Variants in CRYBG3 observed in about 807,000 individuals in gnomAD.
CRYBG3 encodes the protein very large A-kinase anchor protein.
CRYBG3 carries 127 observed loss-of-function variants against 244.2 expected under a neutral mutation model. The ratio of observed to expected loss-of-function variants is 0.52; its 90% CI spans 0.45 to 0.60. CRYBG3 has a LOEUF of 0.60. Ranked by LOEUF, CRYBG3 falls within the 20% of genes least tolerant of loss-of-function variation. CRYBG3 has a pLI of 0.00. For synonymous variants in CRYBG3, 1,132 were observed against 1,195.8 expected, an observed-to-expected ratio of 0.95 and a Z score of 1.10; for missense variants, 3,325 against 3,442.5, an observed-to-expected ratio of 0.97 and a Z score of 0.85.
chr3:97,872,717 A>G lies in CRYBG3; in HGVS notation c.1523A>G (p.Asn508Ser), dbSNP rs2108213830. The G allele has an allele frequency of 6.5e-7, 1 of 1,535,994 alleles. No homozygotes were observed. The highest frequency in any genetic ancestry group is 8.7e-7 in the Non-Finnish European group (1 of 1,146,814). Residue 508 changes from asparagine (N) to serine (S), a missense_variant, in exon 4 of 22, where the codon AAT becomes AGT. Coordinates refer to ENST00000389622, the MANE Select transcript of CRYBG3 (RefSeq NM_153605.4). ...RHAVTDTEFV[N>S]EGKRLSAQDS... ...GCTGTGACAGACACAGAATTTGTAAATGAAGGAAAGAGATTGTCTGCCCAA... is the reference window on the plus strand; with the variant it reads ...GCTGTGACAGACACAGAATTTGTAAGTGAAGGAAAGAGATTGTCTGCCCAA...
Position 97,872,687 on chromosome 3 carries a change from G to A in CRYBG3, c.1493G>A (p.Arg498Lys). The change falls in exon 4 of 22, where the codon AGA (arginine) becomes AAA (lysine). Residue 498 changes from arginine to lysine, a missense_variant. Physicochemically the swap from Arg to Lys is conservative, Grantham distance 26. Around this residue, in one of 4 missense-constraint regions of CRYBG3, gnomAD observed 1,526 missense variants for 1,443.2 expected, o/e 1.06. Transcript: ENST00000389622. ...ATHTNIIALQ[R>K]HAVTDTEFVN... The stretch of plus-strand genomic sequence containing the variant: ...CACACCAATATCATTGCTCTTCAGA[G>A]ACATGCTGTGACAGACACAGAATTT... 1 of 1,535,956 alleles carries A rather than the reference G, an allele frequency of 6.5e-7. No individual in the cohort carries two copies. The highest frequency in any genetic ancestry group is 2.4e-5 in the East Asian group (1 of 40,914).
At chr3:97,828,903 T>G (rs1345300759) in intron 1 of CRYBG3, among the ~76,000 whole-genome samples, 2 of 151,586 alleles carry the variant, frequency 1.3e-5, no homozygotes, top group African/African-American at 4.8e-5. Context: ...TTGTGTATAG[T>G]ATGCCCCATT....
chr3:97,912,284 T>G lies in CRYBG3; in HGVS notation c.8114+8T>G, dbSNP rs937849503. The G allele has an allele frequency of 1.5e-5, 22 of 1,452,276 alleles. No individual in the cohort carries two copies. The highest frequency in any genetic ancestry group is 2.0e-5 in the Non-Finnish European group (21 of 1,046,480). The allele number at this position is 1,452,276 out of a possible 1,614,324, so 90.0% of individuals were successfully genotyped here. A position where few individuals can be genotyped will look rare whatever the true frequency, so the allele number is the denominator to read the frequency against. Reference sequence around the variant, plus strand: ...TAAAGTTCTTCGAGGTTGGTAAGTATGCTTACTTAGTGGTTTCTGCTGTTA... The same window carrying G: ...TAAAGTTCTTCGAGGTTGGTAAGTAGGCTTACTTAGTGGTTTCTGCTGTTA... On this transcript the variant is annotated splice_region_variant and intron_variant, in intron 16 of 21. Transcript: ENST00000389622.
Position 97,873,682 on chromosome 3 carries a change from T to C in CRYBG3, c.2488T>C (p.Ser830Pro), listed in dbSNP as rs1347839079. 2.9e-5 allele frequency: 44 copies of C among 1,535,732 alleles called. No individual in the cohort carries two copies. Among genetic ancestry groups the C allele is most frequent in the Non-Finnish European group, 3.8e-5 (44 of 1,146,832 alleles). The change falls in exon 4 of 22, where the codon TCT becomes CCT. Residue 830 changes from serine (S) to proline (P), a missense_variant. Around this residue, in one of 4 missense-constraint regions of CRYBG3, gnomAD observed 1,526 missense variants for 1,443.2 expected, o/e 1.06. Transcript: ENST00000389622. ...GAACAATGTTCTTGTGGAGTCACAT[T>C]CTGGAAGAGGAAAAACTATATCCTT... is the stretch of plus-strand genomic sequence containing the variant. ...GQNNVLVESH[S>P]GRGKTISLSK... is the part of the protein sequence containing the mutation.
rs971656276 is a variant in CRYBG3, at chr3:97,875,495, A to T, written c.4301A>T (p.Lys1434Ile). Residue 1434 changes from lysine to isoleucine, a missense_variant, in exon 4 of 22, where the codon AAA becomes ATA. Transcript: ENST00000389622. ...TVLLAEDMSH[K>I]RLDDRVKTHL... The stretch of plus-strand genomic sequence containing the variant: ...TTACTAGCTGAAGACATGTCACATA[A>T]ACGGTTAGATGATAGGGTAAAAACA... 7 of 1,296,662 alleles carry T rather than the reference A, an allele frequency of 5.4e-6. No individual in the cohort carries two copies. Among genetic ancestry groups the T allele is most frequent in the Non-Finnish European group, 6.8e-6 (7 of 1,028,614 alleles). 80.3% of individuals were successfully genotyped at this position (1,296,662 alleles called of 1,614,324 possible).
At chr3:97,932,601 G>A (rs150676338) in intron 17 of CRYBG3, among the ~76,000 whole-genome samples, 39 of 152,128 alleles carry the variant, frequency 2.6e-4, no homozygotes, top group Non-Finnish European at 4.3e-4. Context: ...TATCTACCGA[G>A]TTGCAGTTGC....
chr3:97,931,197 T>C (rs2040093524), intron 17 of CRYBG3, among the ~76,000 whole-genome samples: 1 of 152,108 alleles, frequency 6.6e-6, no homozygotes, highest in Admixed American at 6.6e-5. Context: ...GATTTTAACT[T>C]CATTTCTGAC....
Position 97,943,973 on chromosome 3 carries a change from G to A in CRYBG3, c.*659G>A, listed in dbSNP as rs376117777. 1.3e-5 allele frequency: 2 copies of A among 151,930 alleles called. No individual in the cohort carries two copies. Among genetic ancestry groups the A allele is most frequent in the East Asian group, 3.9e-4 (2 of 5,162 alleles). The allele number at this position is 151,930 out of a possible 1,614,324, so 9.4% of individuals were successfully genotyped here. A position where few individuals can be genotyped will look rare whatever the true frequency, so the allele number is the denominator to read the frequency against. On this transcript the variant is annotated 3_prime_UTR_variant, in exon 22 of 22. Coordinates refer to ENST00000389622, the MANE Select transcript of CRYBG3 (RefSeq NM_153605.4). Reference sequence around the variant, plus strand: ...TTCCTCAGTCCTTCAAACTAAAAAAGTACAAATAAATAACCTATGGCCAAA... The same window carrying A: ...TTCCTCAGTCCTTCAAACTAAAAAAATACAAATAAATAACCTATGGCCAAA...
At chr3:97,824,788 A>G (rs1356799485) in intron 1 of CRYBG3, among the ~76,000 whole-genome samples, 1 of 152,176 alleles carries the variant, frequency 6.6e-6, no homozygotes, top group African/African-American at 2.4e-5. Context: ...TTTATTTTAG[A>G]TGATAAAAAG....
chr3:97,893,289 G>A (rs1456461858), intron 11 of CRYBG3, among the ~76,000 whole-genome samples: 1 of 152,190 alleles, frequency 6.6e-6, no homozygotes, highest in African/African-American at 2.4e-5. Context: ...CACAAGTTAT[G>A]AACGTGAATG....
intron 15 of CRYBG3, among the ~76,000 whole-genome samples, chr3:97,909,447 C>G (rs369486466): frequency 2.0e-5 from 3 of 149,958 alleles, no homozygotes; most frequent in African/African-American, 7.3e-5. Flanking sequence ...TTGCTCATTT[C>G]TTTTTATTCT....
At chr3:97,940,752 T>C (rs185542660) in intron 19 of CRYBG3, among the ~76,000 whole-genome samples, 1 of 152,072 alleles carries the variant, frequency 6.6e-6, no homozygotes, top group East Asian at 1.9e-4. Context: ...CCACAGTATG[T>C]CTTTCTGAAG....
intron 1 of CRYBG3, among the ~76,000 whole-genome samples, chr3:97,840,396 C>A (rs1311366068): frequency 1.3e-5 from 2 of 152,092 alleles, no homozygotes; most frequent in African/African-American, 2.4e-5. Flanking sequence ...CAATAAGAAT[C>A]ATGCAACTTA....
chr3:97,872,506 T>C lies in CRYBG3; in HGVS notation c.1312T>C (p.Ser438Pro). Residue 438 changes from serine (S) to proline (P), a missense_variant, in exon 4 of 22, where the codon TCT becomes CCT. This residue lies in a region of CRYBG3 where 1,526 missense variants were observed against 1,443.2 expected (regional missense o/e 1.06). Coordinates refer to ENST00000389622, the MANE Select transcript of CRYBG3 (RefSeq NM_153605.4). ...EPQGPAISDF[S>P]CSKSDGSDTT... ...TCAGGGCCCTGCTATTTCTGATTTC[T>C]CTTGTAGTAAATCTGATGGGAGTGA... is the stretch of plus-strand genomic sequence containing the variant. 1.3e-6 allele frequency: 2 copies of C among 1,535,992 alleles called. No homozygotes were observed.
chr3:97,870,914 C>A (rs867314329), intron 3 of CRYBG3, among the ~76,000 whole-genome samples: 1 of 151,480 alleles, frequency 6.6e-6, no homozygotes, highest in Admixed American at 6.6e-5. Flanking sequence ...AAATGTTGTG[C>A]TCTGTGCACC....
Position 97,877,644 on chromosome 3 carries a change from A to G in CRYBG3, c.6450A>G (p.Glu2150=). Residue 2150 remains glutamate (E), a synonymous_variant, in exon 4 of 22, where the codon GAA becomes GAG. Coordinates refer to ENST00000389622, the MANE Select transcript of CRYBG3 (RefSeq NM_153605.4). ...ACAGAGAGGCAGCTGATGAGGAAGAAGAGGAGGAGGAGGCAGCAGTATTGC... is the reference window on the plus strand; with the variant it reads ...ACAGAGAGGCAGCTGATGAGGAAGAGGAGGAGGAGGAGGCAGCAGTATTGC... The part of the protein sequence containing the change: ...EDDREAADEE[E]EEEEAAVLHK... 6.2e-7 allele frequency: 1 copy of G among 1,614,160 alleles called. No individual in the cohort carries two copies. Among genetic ancestry groups the G allele is most frequent in the Non-Finnish European group, 8.5e-7 (1 of 1,180,006 alleles).
chr3:97,928,441 C>T (rs1247778759), intron 17 of CRYBG3, among the ~76,000 whole-genome samples: 1 of 151,868 alleles, frequency 6.6e-6, no homozygotes, highest in Non-Finnish European at 1.5e-5. Context: ...GATTGAAATA[C>T]CACCTATTGG....
rs2039334293 is a variant in CRYBG3 at position 97,873,770 on chromosome 3, T to G, written c.2576T>G (p.Phe859Cys). ...ATTTCTCAGGATAAAATGTCTTCTT[T>G]TCCATTGAAAATTACCCATGTTCCA... ...RNISQDKMSS[F>C]PLKITHVPEK... is the part of the protein sequence containing the mutation. Residue 859 changes from phenylalanine to cysteine, a missense_variant, in exon 4 of 22, where the codon TTT (phenylalanine) becomes TGT (cysteine). By Grantham distance (205) the Phe-to-Cys change is radical (BLOSUM62 -2). Coordinates refer to ENST00000389622, the MANE Select transcript of CRYBG3 (RefSeq NM_153605.4). 1 of 1,534,134 alleles carries G rather than the reference T, an allele frequency of 6.5e-7. No homozygotes were observed. Among genetic ancestry groups the G allele is most frequent in the Non-Finnish European group, 8.7e-7 (1 of 1,146,416 alleles).
At chr3:97,892,284 T>A (rs2039587372) in intron 10 of CRYBG3, among the ~76,000 whole-genome samples, 1 of 152,152 alleles carries the variant, frequency 6.6e-6, no homozygotes. Flanking sequence ...GAGGTATCTG[T>A]GGTGTTGGCT....
Sources: allele counts gnomAD v4.1 joint callset (sites outside exome capture counted in the v4.1 genomes callset), GRCh38; gene constraint gnomAD v4.1.1; regional missense constraint gnomAD v4.1.1; transcripts MANE v1.5; gene names NCBI Gene and HGNC (gene_info 2026-07-23, HGNC 2026-07-21).